TNIK: variants seen among roughly 807,000 people sequenced by gnomAD.
TNIK encodes TRAF2 and NCK-interacting protein kinase.
Under a neutral mutation model 191.3 loss-of-function variants are expected in TNIK, and 49 were observed. That is an observed-to-expected ratio of 0.26 (90% CI 0.20 to 0.32). The LOEUF is 0.32. Among genes scored for constraint, TNIK ranks in the 10% least tolerant of loss-of-function variants. The probability of loss-of-function intolerance (pLI) is 1.00; values close to 1 mark genes in which losing one functional copy is unlikely to be tolerated. For synonymous variants in TNIK, 594 were observed against 600.9 expected, an observed-to-expected ratio of 0.99 and a Z score of 0.17; for missense variants, 1,155 against 1,702.3, an observed-to-expected ratio of 0.68 and a Z score of 5.66.
chr3:171,075,452 C>A (rs77404540), intron 28 of TNIK, among the ~76,000 whole-genome samples: 173 of 152,218 alleles, frequency 1.1e-3, no homozygotes, highest in African/African-American at 4.0e-3. Context: ...TCCAGGGTAT[C>A]CCTATTAGAA....
At chr3:171,270,014 T>C (rs576311156) in intron 2 of TNIK, among the ~76,000 whole-genome samples, 1 of 152,136 alleles carries the variant, frequency 6.6e-6, no homozygotes, top group Non-Finnish European at 1.5e-5. Context: ...TCCATCTCAA[T>C]AGAAAATAAA....
rs565928796 is a variant in TNIK, at chr3:171,458,818, C to T, written c.57+1189G>A. On this transcript the variant is annotated intron_variant, in intron 1 of 32. Coordinates refer to ENST00000436636, the MANE Select transcript of TNIK (RefSeq NM_015028.4). ...CCACCCTCCATACATCAAGTATATG[C>T]ACTCGCTTTCTTTTTAATTTTATTT... 2.0e-5 allele frequency among the ~76,000 whole-genome samples: 3 copies of T among 152,292 alleles called. No individual in the cohort carries two copies. The South Asian group carries it at 6.2e-4, about 32-fold the overall frequency.
In TNIK at chr3:171,093,816, A is replaced by G. The variant is rs757136914; in HGVS notation, c.2721+23T>C. ...CCACTGAAGAAATGGCATTTCCTCT[A>G]CACAGTTTTTATACCAACTTACCTC... On this transcript the variant is annotated intron_variant, in intron 23 of 32. Coordinates refer to ENST00000436636, the MANE Select transcript of TNIK (RefSeq NM_015028.4). The G allele has an allele frequency of 4.3e-6, 7 of 1,612,180 alleles. No individual in the cohort carries two copies. In the East Asian group the frequency reaches 1.6e-4, roughly 36 times the overall value.
chr3:171,301,691 G>T (rs1752903424), intron 2 of TNIK, among the ~76,000 whole-genome samples: 1 of 152,172 alleles, frequency 6.6e-6, no homozygotes, highest in South Asian at 2.1e-4. Context: ...TACTGAAGAA[G>T]ACTAAAGAGA....
At chr3:171,440,285 A>G (rs919546022) in intron 1 of TNIK, among the ~76,000 whole-genome samples, 15 of 152,184 alleles carry the variant, frequency 9.9e-5, no homozygotes, top group African/African-American at 3.6e-4. Flanking sequence ...GGTGAGTAAC[A>G]GTAACAGTAA....
At chr3:171,081,831 T>G (rs1234604758) in intron 27 of TNIK, among the ~76,000 whole-genome samples, 1 of 151,958 alleles carries the variant, frequency 6.6e-6, no homozygotes, top group East Asian at 1.9e-4. Flanking sequence ...AAAACATCAG[T>G]GGGCTATAAG....
At chr3:171,252,739 G>A (rs1746380924) in intron 2 of TNIK, among the ~76,000 whole-genome samples, 1 of 152,132 alleles carries the variant, frequency 6.6e-6, no homozygotes, top group Non-Finnish European at 1.5e-5. Flanking sequence ...GTTTATCTGG[G>A]AGAAACTTAA....
chr3:171,443,210 G>GT (rs2108695971), intron 1 of TNIK, among the ~76,000 whole-genome samples: 1 of 152,320 alleles, frequency 6.6e-6, no homozygotes, highest in African/African-American at 2.4e-5. Flanking sequence ...CCATTCCAGA[G>GT]TAAGACACCA....
chr3:171,171,071 A>G lies in TNIK; in HGVS notation c.774-3801T>C, dbSNP rs932366192. Among the ~76,000 whole-genome samples, 5 of 152,178 alleles carry G rather than the reference A, an allele frequency of 3.3e-5. No individual in the cohort carries two copies. In the East Asian group the frequency reaches 9.6e-4, roughly 29 times the overall value. On this transcript the variant is annotated intron_variant, in intron 9 of 32. Transcript: ENST00000436636. ...TGTCTCTAAAAAAAAAGAAATCCTC[A>G]TTTCTGTTGAACTAAGTAAACATAG...
chr3:171,093,957 GCTC>G lies in TNIK; in HGVS notation c.2600_2602del (p.Gly867del). On this transcript the variant is annotated inframe_deletion, in exon 23 of 33. Coordinates refer to ENST00000436636, the MANE Select transcript of TNIK (RefSeq NM_015028.4). ...ATTGTACTGCTCGTTGCTGCCTGGA[GCTC>G]CTGTTGGTCTGAGATGAGAAGGAAC... 1 of 1,612,886 alleles carries G rather than the reference GCTC, an allele frequency of 6.2e-7. No homozygotes were observed. The highest frequency in any genetic ancestry group is 8.5e-7 in the Non-Finnish European group (1 of 1,179,486).
chr3:171,416,161 T>A (rs916470116), intron 1 of TNIK, among the ~76,000 whole-genome samples: 1 of 152,020 alleles, frequency 6.6e-6, no homozygotes, highest in Non-Finnish European at 1.5e-5. Context: ...TCCTAGGCTA[T>A]CTTTTTGAGA....
At chr3:171,459,700 A>ACACACACG (rs1012502406) in intron 1 of TNIK, among the ~76,000 whole-genome samples, 2 of 151,682 alleles carry the variant, frequency 1.3e-5, no homozygotes, top group Non-Finnish European at 2.9e-5. Flanking sequence ...ACACACACAC[A>ACACACACG]CACGCACACA....
chr3:171,226,491 A>C (rs932843298), intron 3 of TNIK, among the ~76,000 whole-genome samples: 2 of 151,816 alleles, frequency 1.3e-5, no homozygotes, highest in Non-Finnish European at 2.9e-5. Context: ...CCACCTTTAC[A>C]CTCCTTTAAC....
intron 1 of TNIK, among the ~76,000 whole-genome samples, chr3:171,407,207 T>G (rs564591342): frequency 6.6e-6 from 1 of 151,928 alleles, no homozygotes; most frequent in African/African-American, 2.4e-5. Flanking sequence ...AGAAGAGAAC[T>G]GGGGAGGCCT....
At chr3:171,408,397 C>T (rs1721978988) in intron 1 of TNIK, among the ~76,000 whole-genome samples, 1 of 152,150 alleles carries the variant, frequency 6.6e-6, no homozygotes, top group Non-Finnish European at 1.5e-5. Context: ...AGGGAAGCTG[C>T]AACAGGAGCC....
intron 2 of TNIK, among the ~76,000 whole-genome samples, chr3:171,243,151 G>T (rs1392205021): frequency 6.6e-6 from 1 of 152,096 alleles, no homozygotes; most frequent in Middle Eastern, 3.2e-3. Context: ...ATGCAAACAG[G>T]AGTGTCCGGA....
intron 4 of TNIK, among the ~76,000 whole-genome samples, chr3:171,210,905 AT>A (rs1334362394): frequency 6.6e-6 from 1 of 151,732 alleles, no homozygotes; most frequent in African/African-American, 2.4e-5. Flanking sequence ...GATGGTCCAT[AT>A]TAAGGGATAG....
chr3:171,147,310 G>T (rs1298171369), intron 12 of TNIK, among the ~76,000 whole-genome samples: 1 of 152,150 alleles, frequency 6.6e-6, no homozygotes. Flanking sequence ...GACCCAGTGT[G>T]GTCTTTTGAA....
chr3:171,175,311 G>A lies in TNIK; in HGVS notation c.714C>T (p.Pro238=). 2 of 1,611,366 alleles carry A rather than the reference G, an allele frequency of 1.2e-6. No individual in the cohort carries two copies. ...GGGGGATGAGGAAGAGAGCTCTCAT[G>A]GGGTGCATGTCACAGAGAGCTGCAA... ...EGAPPLCDMH[P]MRALFLIPRN... The change falls in exon 9 of 33, where the codon CCC becomes CCT. Residue 238 remains proline, a synonymous_variant. Coordinates refer to ENST00000436636, the MANE Select transcript of TNIK (RefSeq NM_015028.4).
Sources: allele counts gnomAD v4.1 joint callset (sites outside exome capture counted in the v4.1 genomes callset), GRCh38; gene constraint gnomAD v4.1.1; transcripts MANE v1.5; gene names NCBI Gene and HGNC (gene_info 2026-07-23, HGNC 2026-07-21).